The following CMSS1 variants were observed in gnomAD, a reference collection of about 807,000 sequenced individuals.
The protein encoded by CMSS1 is cms1 ribosomal small subunit homolog.
Under a neutral mutation model 43.5 loss-of-function variants are expected in CMSS1, and 33 were observed. The ratio of observed to expected loss-of-function variants is 0.76; its 90% confidence interval spans 0.57 to 1.01. The LOEUF (loss-of-function observed/expected upper bound fraction) is 1.01. Ranked by LOEUF, CMSS1 falls within the 50% of genes least tolerant of loss-of-function variation. The probability of loss-of-function intolerance (pLI) is 0.00; values close to 1 mark genes in which losing one functional copy is unlikely to be tolerated. For missense variants in CMSS1, 313 were observed against 326.4 expected (o/e 0.96, Z 0.32); for synonymous variants, 115 against 117.2 (o/e 0.98, Z 0.12).
chr3:100,056,504 T>C (rs2065465702), intron 1 of CMSS1, among the ~76,000 whole-genome samples: 1 of 152,218 alleles, frequency 6.6e-6, no homozygotes, highest in Non-Finnish European at 1.5e-5. Context: ...TCTGCTCTTG[T>C]TGAGCTAGAG....
intron 1 of CMSS1, chr3:99,929,917 T>A (rs760441823): frequency 6.2e-6 from 10 of 1,613,654 alleles, no homozygotes; most frequent in Non-Finnish European, 8.5e-6. Flanking sequence ...TTGAAAAGCA[T>A]CTCTCTGGAG....
intron 6 of CMSS1, among the ~76,000 whole-genome samples, chr3:100,170,925 T>C (rs1455667470): frequency 1.3e-5 from 2 of 152,316 alleles, no homozygotes; most frequent in East Asian, 3.9e-4. Context: ...AATTTGTGAG[T>C]GACTTGCCCA....
chr3:100,152,693 G>A (rs1171567737), intron 2 of CMSS1, among the ~76,000 whole-genome samples: 1 of 152,106 alleles, frequency 6.6e-6, no homozygotes, highest in African/African-American at 2.4e-5. Flanking sequence ...AAGAAATCAG[G>A]TGTCACCTTC....
intron 1 of CMSS1, among the ~76,000 whole-genome samples, chr3:99,962,805 A>C (rs953832335): frequency 6.6e-6 from 1 of 152,220 alleles, no homozygotes; most frequent in African/African-American, 2.4e-5. Context: ...TGCAGCCCCT[A>C]AGAACAAATT....
intron 1 of CMSS1, among the ~76,000 whole-genome samples, chr3:100,014,891 C>CTTTTTTTTTTTTTTTTT (rs1710284139): frequency 1.3e-3 from 35 of 27,218 alleles, no homozygotes; most frequent in Non-Finnish European, 1.6e-3. Context: ...TTTTTTCTTT[C>CTTTTTTTTTTTTTTTTT]TTTCTTTTTT....
intron 4 of CMSS1, among the ~76,000 whole-genome samples, chr3:100,165,696 A>G (rs763247846): frequency 6.6e-6 from 1 of 152,154 alleles, no homozygotes. Flanking sequence ...TGCTATCACA[A>G]ATAATGTCAG....
chr3:100,009,232 C>A (rs542036986), intron 1 of CMSS1, among the ~76,000 whole-genome samples: 1 of 152,142 alleles, frequency 6.6e-6, no homozygotes, highest in Admixed American at 6.6e-5. Context: ...TTTTAACCTA[C>A]GGTATTATCA....
chr3:100,002,342 T>A (rs1219608892), intron 1 of CMSS1, among the ~76,000 whole-genome samples: 2 of 152,192 alleles, frequency 1.3e-5, no homozygotes, highest in Non-Finnish European at 2.9e-5. Context: ...AGAAGATAGG[T>A]CTTAATACAT....
rs1028539885 is a variant in CMSS1 at position 100,169,605 on chromosome 3, GAC to G, written c.518+1771_518+1772del. Among the ~76,000 whole-genome samples the G allele has an allele frequency of 1.4e-4, 21 of 152,226 alleles. 1 individual carries two copies. Among genetic ancestry groups the G allele is most frequent in the African/African-American group, 4.6e-4 (19 of 41,450 alleles). On this transcript the variant is annotated intron_variant, in intron 6 of 9. Transcript: ENST00000421999. ...ACCCTCCTTTCTCCACTGAAGTGGA[GAC>G]ACACATTAAATTGTATCACATTATG...
intron 1 of CMSS1, among the ~76,000 whole-genome samples, chr3:99,861,088 C>T (rs1000658972): frequency 6.6e-6 from 1 of 152,142 alleles, no homozygotes; most frequent in Non-Finnish European, 1.5e-5. Flanking sequence ...CCCCTGCTCC[C>T]ACCACCACTC....
intron 1 of CMSS1, among the ~76,000 whole-genome samples, chr3:100,105,528 G>C (rs1393620847): frequency 6.6e-6 from 1 of 152,128 alleles, no homozygotes; most frequent in Non-Finnish European, 1.5e-5. Flanking sequence ...CATTGAACAG[G>C]GTGGTTAAAG....
At chr3:99,954,358 A>G (rs1708260041) in intron 1 of CMSS1, among the ~76,000 whole-genome samples, 1 of 152,186 alleles carries the variant, frequency 6.6e-6, no homozygotes, top group African/African-American at 2.4e-5. Flanking sequence ...TATCTCACAT[A>G]ATAATCCAGC....
chr3:100,038,716 G>A (rs2065151871), intron 1 of CMSS1, among the ~76,000 whole-genome samples: 5 of 152,038 alleles, frequency 3.3e-5, no homozygotes. Context: ...CTACATAGTA[G>A]CCTCAAACTC....
chr3:99,969,738 T>G (rs562979413), intron 1 of CMSS1, among the ~76,000 whole-genome samples: 258 of 152,166 alleles, frequency 1.7e-3, no homozygotes, highest in Non-Finnish European at 3.1e-3. Flanking sequence ...AGTTGCAGGG[T>G]TTGACCTTGG....
chr3:99,826,820 GA>G (rs566628450), intron 1 of CMSS1, among the ~76,000 whole-genome samples: 113 of 152,274 alleles, frequency 7.4e-4, no homozygotes, highest in African/African-American at 2.5e-3. Context: ...GAAGGACCAG[GA>G]AAAGACTTCA....
intron 1 of CMSS1, chr3:99,930,003 T>C: frequency 6.2e-7 from 1 of 1,613,606 alleles, no homozygotes; most frequent in South Asian, 1.1e-5. Context: ...TTTCAGCCTT[T>C]AAAATGCCTA....
intron 1 of CMSS1, among the ~76,000 whole-genome samples, chr3:100,109,161 G>A (rs9829705): frequency 1.3e-5 from 2 of 151,202 alleles, no homozygotes; most frequent in African/African-American, 4.9e-5. Flanking sequence ...AATCAAGGTG[G>A]TTGGACTCTA....
intron 1 of CMSS1, among the ~76,000 whole-genome samples, chr3:100,145,864 C>T (rs2066845288): frequency 6.6e-6 from 1 of 152,244 alleles, no homozygotes; most frequent in African/African-American, 2.4e-5. Context: ...ATGTTAATCT[C>T]TCTAAAAATA....
intron 1 of CMSS1, among the ~76,000 whole-genome samples, chr3:99,823,581 A>T (rs1417539776): frequency 1.3e-5 from 2 of 152,058 alleles, no homozygotes; most frequent in Admixed American, 1.3e-4. Context: ...TGGAGTATAC[A>T]TTTTCATCCT....
Sources: allele counts gnomAD v4.1 joint callset (sites outside exome capture counted in the v4.1 genomes callset), GRCh38; gene constraint gnomAD v4.1.1; transcripts MANE v1.5; gene names NCBI Gene and HGNC (gene_info 2026-07-23, HGNC 2026-07-21).